Variants in ASAP1 observed in about 807,000 individuals in gnomAD.
ASAP1 encodes the protein arf-GAP with SH3 domain, ANK repeat and PH domain-containing protein 1.
Under a neutral mutation model 145.2 loss-of-function variants are expected in ASAP1, and 43 were observed. That is an observed-to-expected ratio of 0.30 (90% confidence interval 0.23 to 0.38). The LOEUF (loss-of-function observed/expected upper bound fraction) is 0.38, where lower values mean the gene tolerates loss of function less well. Ranked by LOEUF, ASAP1 falls within the 10% of genes least tolerant of loss-of-function variation. The pLI is 1.00. For missense variants in ASAP1, 1,018 were observed against 1,355.3 expected, an observed-to-expected ratio of 0.75 and a Z score of 3.91; for synonymous variants, 546 against 515.5, an observed-to-expected ratio of 1.06 and a Z score of -0.80.
chr8:130,067,194 G>T (rs1262170881), intron 27 of ASAP1, among the ~76,000 whole-genome samples: 2 of 152,168 alleles, frequency 1.3e-5, no homozygotes, highest in Non-Finnish European at 2.9e-5. Flanking sequence ...TGTTGCTGCA[G>T]TGTGTAGTAA....
chr8:130,203,248 T>C (rs1404248505), intron 5 of ASAP1, among the ~76,000 whole-genome samples: 1 of 152,156 alleles, frequency 6.6e-6, no homozygotes. Flanking sequence ...ATTGGACAAG[T>C]TTCTTTATAC....
intron 9 of ASAP1, among the ~76,000 whole-genome samples, chr8:130,173,899 C>G (rs1016279592): frequency 6.6e-6 from 1 of 150,820 alleles, no homozygotes; most frequent in Non-Finnish European, 1.5e-5. Flanking sequence ...AAGGTAAAAC[C>G]TTGTCTCTAC....
At chr8:130,430,205 T>C (rs1373025528) in intron 1 of ASAP1, among the ~76,000 whole-genome samples, 1 of 152,196 alleles carries the variant, frequency 6.6e-6, no homozygotes, top group Non-Finnish European at 1.5e-5. Context: ...AATAATTCAT[T>C]CATCAAACAT....
intron 3 of ASAP1, among the ~76,000 whole-genome samples, chr8:130,274,912 C>T (rs1299865433): frequency 6.6e-6 from 1 of 152,204 alleles, no homozygotes; most frequent in Admixed American, 6.5e-5. Context: ...CCTCTCTTCG[C>T]TTTTCCTCAT....
chr8:130,131,575 G>C (rs2135770884), intron 15 of ASAP1, among the ~76,000 whole-genome samples: 1 of 126,046 alleles, frequency 7.9e-6, no homozygotes, highest in South Asian at 2.8e-4. Context: ...GCCAGCCTGG[G>C]TAACAACAGC....
rs182647251 is a variant in ASAP1 at position 130,102,517 on chromosome 8, T to C, written c.2401+9577A>G. On this transcript the variant is annotated intron_variant, in intron 24 of 29. Transcript: ENST00000518721. ...GTTTGTTAGTATTTGGTTAGGATTTTTTGCATCTACGTTCCACAAGAATAT... is the reference window on the plus strand; with the variant it reads ...GTTTGTTAGTATTTGGTTAGGATTTCTTGCATCTACGTTCCACAAGAATAT... Among the ~76,000 whole-genome samples the C allele has an allele frequency of 7.1e-4, 108 of 152,350 alleles. 2 individuals carry two copies. The highest frequency in any genetic ancestry group is 5.4e-3 in the Admixed American group (82 of 15,298).
chr8:130,056,181 G>A (rs1017076697), intron 29 of ASAP1, among the ~76,000 whole-genome samples: 9 of 152,218 alleles, frequency 5.9e-5, no homozygotes, highest in African/African-American at 2.2e-4. Flanking sequence ...TTTTTCAGAG[G>A]AAAGTGAGGC....
At chr8:130,380,720 C>T (rs2138384125) in intron 2 of ASAP1, among the ~76,000 whole-genome samples, 1 of 152,284 alleles carries the variant, frequency 6.6e-6, no homozygotes, top group African/African-American at 2.4e-5. Context: ...AAAAGGAACA[C>T]ATGAAATTAA....
In ASAP1 at chr8:130,277,355, A is replaced by T. The variant is rs530999424; in HGVS notation, c.187-40361T>A. Among the ~76,000 whole-genome samples the T allele has an allele frequency of 2.0e-5, 3 of 152,382 alleles. No individual in the cohort carries two copies. The South Asian group carries it at 6.2e-4, about 32-fold the overall frequency. The stretch of plus-strand genomic sequence containing the variant: ...AGAAAAACACCAATAACTATAAGCC[A>T]TACTAGTTCTTCATATCCAGTGAAT... On this transcript the variant is annotated intron_variant, in intron 3 of 29. Transcript: ENST00000518721.
Position 130,060,884 on chromosome 8 carries a change from G to A in ASAP1, c.2887C>T (p.Pro963Ser), listed in dbSNP as rs756690941. The change falls in exon 28 of 30, where the codon CCC (proline) becomes TCC (serine). Residue 963 changes from proline (P) to serine (S), a missense_variant. This residue lies in a region of ASAP1 where 139 missense variants were observed against 131.0 expected (regional missense o/e 1.06). Coordinates refer to ENST00000518721, the MANE Select transcript of ASAP1 (RefSeq NM_018482.4). ...AGGTCCCCCAGCTGTGGTTTGGGGG[G>A]CAGTTCTCCTGGCTTAGGCGGCAAA... Reference protein sequence around the residue: ...GDLPPKPGELPPKPQLGDLPP... With the variant: ...GDLPPKPGELSPKPQLGDLPP... 11 of 1,613,766 alleles carry A rather than the reference G, an allele frequency of 6.8e-6. No homozygotes were observed. The South Asian group carries it at 1.1e-4, about 16-fold the overall frequency.
At chr8:130,152,128 G>A (rs565432303) in intron 13 of ASAP1, among the ~76,000 whole-genome samples, 11 of 152,240 alleles carry the variant, frequency 7.2e-5, no homozygotes, top group African/African-American at 2.4e-4. Flanking sequence ...GCAATTCATT[G>A]AGCAGTGCCC....
In ASAP1 at chr8:130,072,793, A is replaced by ATGTGTGTG. The variant is rs1206526066; in HGVS notation, c.2701+3547_2701+3554dup. ...CTGAAGGCCTGGACTTGCAATTGAT[A>ATGTGTGTG]TGTGTGTGTGTGTGTGTGTGTGTGT... On this transcript the variant is annotated intron_variant, in intron 27 of 29. Transcript: ENST00000518721. Among the ~76,000 whole-genome samples the ATGTGTGTG allele has an allele frequency of 1.1e-3, 111 of 102,608 alleles. 2 individuals carry two copies. The highest frequency in any genetic ancestry group is 3.2e-3 in the South Asian group (8 of 2,518). 67.3% of individuals were successfully genotyped at this position (102,608 alleles called of 152,430 possible).
At chr8:130,174,645 T>C (rs1813828481) in intron 9 of ASAP1, among the ~76,000 whole-genome samples, 1 of 152,160 alleles carries the variant, frequency 6.6e-6, no homozygotes, top group South Asian at 2.1e-4. Context: ...ATTGGGCCAA[T>C]AACCAACAGC....
chr8:130,127,282 T>A (rs566655600), intron 16 of ASAP1, among the ~76,000 whole-genome samples: 2 of 152,174 alleles, frequency 1.3e-5, no homozygotes, highest in Non-Finnish European at 2.9e-5. Context: ...AATGGTGCAA[T>A]CTTGGCTCAC....
intron 5 of ASAP1, among the ~76,000 whole-genome samples, chr8:130,198,668 A>T (rs1815672596): frequency 6.6e-6 from 1 of 152,230 alleles, no homozygotes; most frequent in Non-Finnish European, 1.5e-5. Flanking sequence ...TCACTAGGTT[A>T]ACGAGGAAAC....
rs5895032 is a variant in ASAP1 at position 130,052,735 on chromosome 8, G to GTTTTTTTT, written c.*1988_*1995dup. ...GCTTTTGTGTTTTTTTTTTGTTTTT[G>GTTTTTTTT]TTTTTTTTTTTTTTTTGAAAAAAAC... On this transcript the variant is annotated 3_prime_UTR_variant, in exon 30 of 30. Transcript: ENST00000518721. 8.2e-6 allele frequency: 1 copy of GTTTTTTTT among 122,144 alleles called. No homozygotes were observed. The highest frequency in any genetic ancestry group is 1.7e-5 in the Non-Finnish European group (1 of 58,482). The allele number at this position is 122,144 out of a possible 1,614,324, so 7.6% of individuals were successfully genotyped here.
intron 4 of ASAP1, among the ~76,000 whole-genome samples, chr8:130,230,639 G>A (rs1054046682): frequency 2.7e-5 from 4 of 147,550 alleles, no homozygotes; most frequent in African/African-American, 9.7e-5. Flanking sequence ...AATCTGTTTA[G>A]ATTTTGCTCA....
chr8:130,353,503 C>T (rs1465856805), intron 3 of ASAP1, among the ~76,000 whole-genome samples: 2 of 152,168 alleles, frequency 1.3e-5, no homozygotes, highest in African/African-American at 4.8e-5. Context: ...CTCCTATGTT[C>T]CCTATAAAGC....
At chr8:130,061,914 C>G (rs2097420473) in intron 27 of ASAP1, among the ~76,000 whole-genome samples, 1 of 152,170 alleles carries the variant, frequency 6.6e-6, no homozygotes, top group South Asian at 2.1e-4. Context: ...GGACATGTCT[C>G]CAATTTTAGC....
Sources: allele counts gnomAD v4.1 joint callset (sites outside exome capture counted in the v4.1 genomes callset), GRCh38; gene constraint gnomAD v4.1.1; regional missense constraint gnomAD v4.1.1; transcripts MANE v1.5; gene names NCBI Gene and HGNC (gene_info 2026-07-23, HGNC 2026-07-21).